CTXND2: variants seen among roughly 807,000 people sequenced by gnomAD.
The protein encoded by CTXND2 is cortexin domain containing 2.
chr1:150,899,129 TAAAC>T (rs112989227), intron 1 of CTXND2, among the ~76,000 whole-genome samples: 11,107 of 58,558 alleles, frequency 0.19, 1,226 homozygotes, highest in African/African-American at 0.5. Context: ...AATAAATAAA[TAAAC>T]AAACAAACAA....
intron 1 of CTXND2, among the ~76,000 whole-genome samples, chr1:150,894,278 T>C (rs1192134998): frequency 6.6e-6 from 1 of 152,202 alleles, no homozygotes; most frequent in Non-Finnish European, 1.5e-5. Flanking sequence ...GTAGGATTCT[T>C]AGTTACACAT....
intron 1 of CTXND2, among the ~76,000 whole-genome samples, chr1:150,903,337 C>T (rs193283207): frequency 3.0e-3 from 456 of 152,102 alleles, no homozygotes; most frequent in African/African-American, 1.0e-2. Flanking sequence ...CGCTTCCCAC[C>T]CCTGCAGTCC....
chr1:150,893,105 T>TC lies in CTXND2; in HGVS notation c.-74+5793dup, dbSNP rs1329542543. ...CTTTTGTTAAACTTATTTTTAAATA[T>TC]CTTACGTATTTTTAATGCCATTGTA... On this transcript the variant is annotated intron_variant, in intron 1 of 1. Transcript: ENST00000636087. 2.0e-5 allele frequency among the ~76,000 whole-genome samples: 3 copies of TC among 152,318 alleles called. No individual in the cohort carries two copies. In the South Asian group the frequency reaches 6.2e-4, roughly 32 times the overall value.
chr1:150,890,780 G>A (rs1668840748), intron 1 of CTXND2, among the ~76,000 whole-genome samples: 1 of 152,164 alleles, frequency 6.6e-6, no homozygotes, highest in Admixed American at 6.5e-5. Context: ...TGGGATTACA[G>A]ACGAGAGCCA....
chr1:150,896,880 AT>A (rs139443527), intron 1 of CTXND2, among the ~76,000 whole-genome samples: 1,791 of 152,336 alleles, frequency 0.012, 26 homozygotes, highest in African/African-American at 0.041. Flanking sequence ...AATATAATAA[AT>A]TATAGTGAAT....
At chr1:150,894,329 G>T (rs997767729) in intron 1 of CTXND2, among the ~76,000 whole-genome samples, 1 of 152,076 alleles carries the variant, frequency 6.6e-6, no homozygotes, top group African/African-American at 2.4e-5. Context: ...AGACTACAAT[G>T]GAAAAATATG....
At chr1:150,887,460 T>C (rs1668788597) in intron 1 of CTXND2, 147 bp downstream of exon 1, 2 of 151,872 alleles carry the variant, frequency 1.3e-5, no homozygotes, top group African/African-American at 4.8e-5. Flanking sequence ...TTATTATTAT[T>C]ATTATTATTA....
intron 1 of CTXND2, among the ~76,000 whole-genome samples, chr1:150,902,926 A>G (rs1054965820): frequency 3.3e-5 from 5 of 152,076 alleles, no homozygotes; most frequent in African/African-American, 1.2e-4. Flanking sequence ...ACTTTCCCCA[A>G]GAAAACCTAT....
intron 1 of CTXND2, among the ~76,000 whole-genome samples, chr1:150,898,938 A>G (rs1245929782): frequency 1.5e-5 from 2 of 137,836 alleles, no homozygotes; most frequent in African/African-American, 2.6e-5. Flanking sequence ...AAAAATATAT[A>G]TATATATATA....
At chr1:150,907,109 C>G (rs2102603097) in intron 1 of CTXND2, among the ~76,000 whole-genome samples, 1 of 152,272 alleles carries the variant, frequency 6.6e-6, no homozygotes, top group East Asian at 1.9e-4. Context: ...GGGAGAAGAG[C>G]TAATAGAACT....
At chr1:150,903,956 G>A (rs759940481) in intron 1 of CTXND2, 16 of 648,992 alleles carry the variant, frequency 2.5e-5, no homozygotes, top group East Asian at 6.8e-5. Flanking sequence ...GTGTCACACC[G>A]TGGAAAAGGG....
chr1:150,902,640 G>A (rs1034014995), intron 1 of CTXND2, among the ~76,000 whole-genome samples: 3 of 152,040 alleles, frequency 2.0e-5, no homozygotes, highest in African/African-American at 7.2e-5. Context: ...AAGAATGGTC[G>A]GGGAGGGGTG....
chr1:150,904,357 A>G, intron 1 of CTXND2: 1 of 326,184 alleles, frequency 3.1e-6, no homozygotes, highest in Non-Finnish European at 6.0e-6. Flanking sequence ...ATTTAAAACT[A>G]AGACTGGCTT....
intron 1 of CTXND2, among the ~76,000 whole-genome samples, chr1:150,892,151 G>C (rs1668859324): frequency 6.6e-6 from 1 of 152,134 alleles, no homozygotes; most frequent in Non-Finnish European, 1.5e-5. Context: ...GGTAAAACAA[G>C]ATGTCCTTTT....
At chr1:150,901,396 C>A (rs1391102576) in intron 1 of CTXND2, among the ~76,000 whole-genome samples, 2 of 152,100 alleles carry the variant, frequency 1.3e-5, no homozygotes, top group African/African-American at 4.8e-5. Flanking sequence ...ACTGACAAGC[C>A]GATTCTGAAA....
intron 1 of CTXND2, among the ~76,000 whole-genome samples, chr1:150,898,199 C>T (rs587633398): frequency 4.0e-5 from 6 of 151,564 alleles, no homozygotes; most frequent in African/African-American, 1.5e-4. Flanking sequence ...CACTTTCTCT[C>T]ATGATGTGCT....
At chr1:150,905,062 CCACACACACA>C (rs58415621) in intron 1 of CTXND2, among the ~76,000 whole-genome samples, 58 of 130,826 alleles carry the variant, frequency 4.4e-4, no homozygotes, top group Middle Eastern at 3.7e-3. Context: ...AAAAAGAAAA[CCACACACACA>C]CACACACACA....
chr1:150,887,941 G>C (rs587687080), intron 1 of CTXND2, among the ~76,000 whole-genome samples: 2 of 151,998 alleles, frequency 1.3e-5, no homozygotes, highest in East Asian at 3.9e-4. Context: ...CCATTATTCT[G>C]ATTCTTACTT....
At chr1:150,911,069 G>T (rs1253116426) in intron 1 of CTXND2, among the ~76,000 whole-genome samples, 3 of 151,914 alleles carry the variant, frequency 2.0e-5, no homozygotes, top group African/African-American at 7.3e-5. Context: ...CTCCCAAAGT[G>T]CTGGGCTTAC....
Sources: allele counts gnomAD v4.1 joint callset (sites outside exome capture counted in the v4.1 genomes callset), GRCh38; gene constraint gnomAD v4.1.1; transcripts MANE v1.5; gene names NCBI Gene and HGNC (gene_info 2026-07-23, HGNC 2026-07-21).